Variants in DRC3 observed in about 807,000 individuals in gnomAD.
The protein encoded by DRC3 is leucine rich repeat containing 48.
Under a neutral mutation model 57.6 loss-of-function variants are expected in DRC3, and 45 were observed. The ratio of observed to expected loss-of-function variants is 0.78; its 90% CI spans 0.62 to 1.00. DRC3 has a LOEUF of 1.00. Ranked by LOEUF, DRC3 falls within the 50% of genes least tolerant of loss-of-function variation. The pLI, the probability that DRC3 is intolerant of heterozygous loss-of-function variation, is 0.00. For synonymous variants in DRC3, 257 were observed against 272.3 expected (o/e 0.94, Z 0.55); for missense variants, 655 against 675.2 (o/e 0.97, Z 0.33).
intron 10 of DRC3, 141 bp downstream of exon 10, chr17:18,004,635 A>G (rs966114039): frequency 4.8e-6 from 4 of 833,174 alleles, no homozygotes; most frequent in Non-Finnish European, 7.4e-6. Context: ...TTTCTTGCTC[A>G]TCAGTCCTGT....
At chr17:17,994,509 G>A (rs985054306) in intron 7 of DRC3, 91 bp downstream of exon 7, 2 of 1,479,834 alleles carry the variant, frequency 1.4e-6, no homozygotes, top group African/African-American at 2.8e-5. Flanking sequence ...GGATCCCCAG[G>A]CTCTGAAAAC....
chr17:17,988,960 T>C (rs2043094841), intron 5 of DRC3, among the ~76,000 whole-genome samples: 1 of 152,102 alleles, frequency 6.6e-6, no homozygotes, highest in Non-Finnish European at 1.5e-5. Context: ...ACCTGTCAGA[T>C]GGAGATGATG....
intron 5 of DRC3, among the ~76,000 whole-genome samples, chr17:17,990,014 C>A (rs760183302): frequency 1.3e-5 from 2 of 152,240 alleles, no homozygotes; most frequent in African/African-American, 4.8e-5. Flanking sequence ...TGAGTTCCTT[C>A]TGCCTCTGGG....
intron 11 of DRC3, chr17:18,006,577 G>A (rs912893171): frequency 9.6e-6 from 4 of 414,538 alleles, no homozygotes; most frequent in African/African-American, 2.0e-5. Flanking sequence ...TGAAATGTTA[G>A]GGTGAGGAGC....
intron 4 of DRC3, among the ~76,000 whole-genome samples, chr17:17,987,214 CAA>C (rs1046062123): frequency 5.3e-4 from 24 of 45,194 alleles, no homozygotes; most frequent in South Asian, 1.1e-3. Flanking sequence ...GACCCTGTCT[CAA>C]AAAAAAAAAA....
At chr17:18,006,492 C>T (rs1184345368) in intron 11 of DRC3, 2 of 563,918 alleles carry the variant, frequency 3.5e-6, no homozygotes, top group Admixed American at 6.1e-5. Context: ...AAATGACGCC[C>T]CCTGTGTTGC....
Position 17,996,543 on chromosome 17 carries a change from G to A in DRC3, c.825-917G>A, listed in dbSNP as rs527427770. On this transcript the variant is annotated intron_variant, in intron 8 of 13. Coordinates refer to ENST00000399187, the MANE Select transcript of DRC3 (RefSeq NM_031294.4). ...CCCCATAATTCAATTACCCCCCACC[G>A]GGTTCCTCCCACAACACATGGGAAT... 4.8e-4 allele frequency among the ~76,000 whole-genome samples: 73 copies of A among 152,108 alleles called. No individual in the cohort carries two copies. In the South Asian group the frequency reaches 6.8e-3, roughly 14 times the overall value.
chr17:17,994,406 A>G lies in DRC3; in HGVS notation c.699A>G (p.Leu233=). Residue 233 remains leucine, a synonymous_variant, in exon 7 of 14, where the codon CTA becomes CTG. Coordinates refer to ENST00000399187, the MANE Select transcript of DRC3 (RefSeq NM_031294.4). ...ACGAGCAGGCGCAGCGGGAGGAGCT[A>G]GAGAAGCACAAGGTACCGTTCCGGC... ...LEDEQAQREE[L]EKHKTAFVEH... is the part of the protein sequence containing the mutation. 1 of 1,552,592 alleles carries G rather than the reference A, an allele frequency of 6.4e-7. No homozygotes were observed. The highest frequency in any genetic ancestry group is 2.4e-5 in the East Asian group (1 of 40,952).
chr17:17,985,127 G>T (rs1228529448), intron 4 of DRC3, among the ~76,000 whole-genome samples: 3 of 152,186 alleles, frequency 2.0e-5, no homozygotes. Flanking sequence ...CTGTCTCTCA[G>T]ACATAAAGCA....
chr17:17,979,091 A>C (rs1308751941), intron 3 of DRC3, among the ~76,000 whole-genome samples: 1 of 152,228 alleles, frequency 6.6e-6, no homozygotes, highest in Non-Finnish European at 1.5e-5. Flanking sequence ...GGGCTTCACC[A>C]AGAAGGTAAC....
intron 4 of DRC3, 46 bp from the exon 5 acceptor site, chr17:17,987,886 C>T (rs747272522): frequency 4.3e-5 from 68 of 1,598,570 alleles, no homozygotes; most frequent in Non-Finnish European, 4.9e-5. Flanking sequence ...GACAGCCCAT[C>T]CCCTGACCCA....
At chr17:17,995,153 C>G in intron 8 of DRC3, 42 bp downstream of exon 8, 1 of 1,471,714 alleles carries the variant, frequency 6.8e-7, no homozygotes, top group Non-Finnish European at 9.5e-7. Flanking sequence ...CCTCTGCCAC[C>G]AGCCTGCCTT....
At chr17:17,979,398 C>T (rs115793641) in intron 3 of DRC3, among the ~76,000 whole-genome samples, 296 of 151,696 alleles carry the variant, frequency 2.0e-3, no homozygotes, top group African/African-American at 6.7e-3. Context: ...GAGGATAGAC[C>T]GTGGAGGCCA....
intron 3 of DRC3, among the ~76,000 whole-genome samples, chr17:17,980,405 C>T (rs1156415036): frequency 6.6e-6 from 1 of 151,892 alleles, no homozygotes; most frequent in African/African-American, 2.4e-5. Flanking sequence ...AGCAATTCTC[C>T]TGCCTCAGCC....
chr17:18,000,792 A>C (rs190453212), intron 9 of DRC3, among the ~76,000 whole-genome samples: 87 of 152,296 alleles, frequency 5.7e-4, no homozygotes, highest in African/African-American at 2.0e-3. Flanking sequence ...CACGTTTTAC[A>C]TGTTTTACAA....
intron 13 of DRC3, 99 bp from the exon 14 acceptor site, chr17:18,016,459 T>A: frequency 1.1e-6 from 1 of 919,522 alleles, no homozygotes; most frequent in Non-Finnish European, 1.7e-6. Context: ...GGTTTGCAGA[T>A]CTAAAGGAAC....
At chr17:17,986,621 C>T (rs1047556022) in intron 4 of DRC3, among the ~76,000 whole-genome samples, 2 of 151,986 alleles carry the variant, frequency 1.3e-5, no homozygotes, top group African/African-American at 2.4e-5. Context: ...TGCCACCATG[C>T]CCAGATAATT....
At chr17:17,994,955 C>T (rs370492272) in intron 7 of DRC3, 44 bp from the exon 8 acceptor site, 15 of 1,404,366 alleles carry the variant, frequency 1.1e-5, no homozygotes, top group Non-Finnish European at 1.4e-5. Flanking sequence ...GATGCAGGGG[C>T]CCCTGACAGG....
At chr17:17,977,908 C>A in intron 3 of DRC3, 150 bp downstream of exon 3, 1 of 685,590 alleles carries the variant, frequency 1.5e-6, no homozygotes, top group Non-Finnish European at 2.4e-6. Flanking sequence ...GGCATAGGAG[C>A]AGCACAGATG....
Sources: allele counts gnomAD v4.1 joint callset (sites outside exome capture counted in the v4.1 genomes callset), GRCh38; gene constraint gnomAD v4.1.1; transcripts MANE v1.5; gene names NCBI Gene and HGNC (gene_info 2026-07-23, HGNC 2026-07-21).